The following LDB2 variants were observed in gnomAD, a reference collection of about 807,000 sequenced individuals.
LDB2 encodes the protein LIM domain-binding protein 2.
In LDB2, 12 loss-of-function variants were observed where a neutral mutation model predicts 44.3. The ratio of observed to expected loss-of-function variants is 0.27; its 90% CI spans 0.17 to 0.44. The LOEUF is 0.44. Ranked by LOEUF, LDB2 falls within the 20% of genes least tolerant of loss-of-function variation. The pLI, the probability that LDB2 is intolerant of heterozygous loss-of-function variation, is 1.00. For missense variants in LDB2, 344 were observed against 473.5 expected, an observed-to-expected ratio of 0.73 and a Z score of 2.54; for synonymous variants, 164 against 174.8, an observed-to-expected ratio of 0.94 and a Z score of 0.49.
chr4:16,707,537 G>A (rs541143816), intron 2 of LDB2, among the ~76,000 whole-genome samples: 4 of 152,208 alleles, frequency 2.6e-5, no homozygotes, highest in African/African-American at 9.6e-5. Context: ...AATTTCGAGG[G>A]TTAATTGTTG....
Position 16,898,586 on chromosome 4 carries a change from C to T in LDB2, c.-101G>A. 1 of 1,158,188 alleles carries T rather than the reference C, an allele frequency of 8.6e-7. No individual in the cohort carries two copies. The highest frequency in any genetic ancestry group is 1.5e-5 in the South Asian group (1 of 64,824). 71.7% of individuals were successfully genotyped at this position (1,158,188 alleles called of 1,614,324 possible). A position where few individuals can be genotyped will look rare whatever the true frequency, so the allele number is the denominator to read the frequency against. On this transcript the variant is annotated 5_prime_UTR_variant, in exon 1 of 8. In the 5' UTR this introduces an upstream ATG that the reference lacks. Coordinates refer to ENST00000304523, the MANE Select transcript of LDB2 (RefSeq NM_001290.5). Reference sequence around the variant, plus strand: ...CCAGTACAAAGTAGACGCACGCACACACGCTCACACACACACAGAGGCAGG... The same window carrying T: ...CCAGTACAAAGTAGACGCACGCACATACGCTCACACACACACAGAGGCAGG...
chr4:16,505,740 C>A, intron 7 of LDB2: 2 of 1,267,894 alleles, frequency 1.6e-6, no homozygotes, highest in Non-Finnish European at 2.1e-6. Context: ...CTCAGCTCCC[C>A]ACAAGGCCAA....
chr4:16,538,520 C>G (rs1157473799), intron 5 of LDB2, among the ~76,000 whole-genome samples: 1 of 152,174 alleles, frequency 6.6e-6, no homozygotes, highest in South Asian at 2.1e-4. Flanking sequence ...CCCCTTCCCA[C>G]CATGCTTGTC....
intron 1 of LDB2, among the ~76,000 whole-genome samples, chr4:16,863,610 A>T (rs186578760): frequency 4.9e-4 from 72 of 148,238 alleles, no homozygotes; most frequent in Non-Finnish European, 1.0e-3. Flanking sequence ...GATGTGCAAC[A>T]CTTCCAGGCC....
chr4:16,567,772 G>A (rs562501207), intron 5 of LDB2, among the ~76,000 whole-genome samples: 27 of 152,048 alleles, frequency 1.8e-4, no homozygotes, highest in African/African-American at 6.0e-4. Flanking sequence ...AACGTCTCAA[G>A]AACAAAACAA....
intron 2 of LDB2, among the ~76,000 whole-genome samples, chr4:16,596,864 T>A (rs1721093059): frequency 6.6e-6 from 1 of 152,194 alleles, no homozygotes; most frequent in Non-Finnish European, 1.5e-5. Flanking sequence ...CCTCTTACAC[T>A]GGAAATCCCA....
intron 5 of LDB2, among the ~76,000 whole-genome samples, chr4:16,516,842 C>T (rs377036460): frequency 3.0e-4 from 46 of 152,292 alleles, no homozygotes; most frequent in African/African-American, 1.1e-3. Flanking sequence ...TCTCTGAATG[C>T]TAATCGAGAA....
chr4:16,623,047 T>G lies in LDB2; in HGVS notation c.236-27172A>C, dbSNP rs568374849. On this transcript the variant is annotated intron_variant, in intron 2 of 7. Transcript: ENST00000304523. ...CAAACCTATGACTAGAATGCATGCT[T>G]CAAGAGGGAGGCCCTTGTCTTTTTA... Among the ~76,000 whole-genome samples the G allele has an allele frequency of 1.5e-4, 23 of 152,276 alleles. 2 individuals are homozygous for G. In the South Asian group the frequency reaches 4.8e-3, roughly 32 times the overall value.
chr4:16,858,536 T>G (rs1254541992), intron 1 of LDB2, among the ~76,000 whole-genome samples: 1 of 152,180 alleles, frequency 6.6e-6, no homozygotes, highest in Non-Finnish European at 1.5e-5. Context: ...GGGTGTTTGC[T>G]AAGTCCATTT....
rs113417723 is a variant in LDB2, at chr4:16,870,627, C to CTTTATTTATTTATTTA, written c.132+27711_132+27726dup. On this transcript the variant is annotated intron_variant, in intron 1 of 7. Coordinates refer to ENST00000304523, the MANE Select transcript of LDB2 (RefSeq NM_001290.5). Reference sequence around the variant, plus strand: ...CACAACACTCACTTCCTTGCATTCTCTTTATTTATTTATTTATTTATTTTA... The same window carrying CTTTATTTATTTATTTA: ...CACAACACTCACTTCCTTGCATTCTCTTTATTTATTTATTTATTTATTTATTTATTTATTTATTTTA... Among the ~76,000 whole-genome samples, 17 of 150,700 alleles carry CTTTATTTATTTATTTA rather than the reference C, an allele frequency of 1.1e-4. No individual in the cohort carries two copies. The South Asian group carries it at 1.5e-3, about 13-fold the overall frequency.
At chr4:16,851,519 A>T (rs937149529) in intron 1 of LDB2, among the ~76,000 whole-genome samples, 1 of 151,822 alleles carries the variant, frequency 6.6e-6, no homozygotes, top group Non-Finnish European at 1.5e-5. Context: ...ACTTGAAACC[A>T]GGAGGTGGAG....
At chr4:16,534,797 G>A (rs1731217512) in intron 5 of LDB2, among the ~76,000 whole-genome samples, 1 of 152,146 alleles carries the variant, frequency 6.6e-6, no homozygotes, top group African/African-American at 2.4e-5. Flanking sequence ...GGTCTCCCTT[G>A]CTATCCATCT....
intron 2 of LDB2, among the ~76,000 whole-genome samples, chr4:16,723,629 G>T (rs1202082220): frequency 1.3e-4 from 20 of 152,074 alleles, no homozygotes; most frequent in Admixed American, 1.3e-3. Flanking sequence ...GTCTTCTCTT[G>T]ATTTTAACCT....
intron 1 of LDB2, among the ~76,000 whole-genome samples, chr4:16,873,286 A>C (rs1157779641): frequency 6.6e-6 from 1 of 152,224 alleles, no homozygotes; most frequent in East Asian, 1.9e-4. Flanking sequence ...ATAGTGACTA[A>C]GAGACAAACT....
intron 5 of LDB2, among the ~76,000 whole-genome samples, chr4:16,549,863 G>T (rs1420114916): frequency 6.6e-6 from 1 of 152,144 alleles, no homozygotes; most frequent in Non-Finnish European, 1.5e-5. Context: ...AAAAAATAAA[G>T]AATACAAAAA....
intron 1 of LDB2, among the ~76,000 whole-genome samples, chr4:16,837,219 T>C (rs1785028393): frequency 6.6e-6 from 1 of 152,214 alleles, no homozygotes; most frequent in South Asian, 2.1e-4. Flanking sequence ...TTACTCTCTG[T>C]ATGACCTTAG....
At chr4:16,532,669 C>CT (rs1185113753) in intron 5 of LDB2, among the ~76,000 whole-genome samples, 2 of 152,110 alleles carry the variant, frequency 1.3e-5, no homozygotes, top group African/African-American at 4.8e-5. Context: ...ATAAATGTTG[C>CT]TTTTTTCCCC....
intron 2 of LDB2, among the ~76,000 whole-genome samples, chr4:16,684,455 C>A (rs1578759330): frequency 6.6e-6 from 1 of 152,184 alleles, no homozygotes; most frequent in African/African-American, 2.4e-5. Context: ...AGGTAGAATT[C>A]CAATCGTCAA....
At chr4:16,637,949 G>A (rs980213750) in intron 2 of LDB2, among the ~76,000 whole-genome samples, 2 of 152,192 alleles carry the variant, frequency 1.3e-5, no homozygotes, top group African/African-American at 4.8e-5. Flanking sequence ...CCACTTGCCA[G>A]CAGGACAGCT....
Sources: gnomAD v4.1 joint callset for allele counts (sites outside exome capture counted in the v4.1 genomes callset) on GRCh38, gnomAD v4.1.1 for gene constraint, MANE v1.5 for transcripts, NCBI Gene and HGNC (gene_info 2026-07-23, HGNC 2026-07-21) for gene names.